Variants in HIVEP3 observed in about 807,000 individuals in gnomAD.
HIVEP3 encodes the protein HIVEP zinc finger 3.
In HIVEP3, 49 loss-of-function variants were observed where a neutral mutation model predicts 152.8. The observed-to-expected ratio is 0.32, with a 90% CI of 0.26 to 0.41. The LOEUF (loss-of-function observed/expected upper bound fraction) is 0.41, where lower values mean the gene tolerates loss of function less well. HIVEP3 is among the 10% of genes least tolerant of loss of function. The pLI is 1.00. For synonymous variants in HIVEP3, 1,269 were observed against 1,289.0 expected (o/e 0.98, Z 0.33); for missense variants, 2,790 against 3,103.3 (o/e 0.90, Z 2.40).
At chr1:41,770,313 G>A (rs936772003) in intron 1 of HIVEP3, among the ~76,000 whole-genome samples, 1 of 152,110 alleles carries the variant, frequency 6.6e-6, no homozygotes, top group Admixed American at 6.5e-5. Context: ...TAGCCTCAAC[G>A]TATCTCCCCC....
At chr1:41,555,906 C>T (rs1643958783) in intron 5 of HIVEP3, among the ~76,000 whole-genome samples, 1 of 152,188 alleles carries the variant, frequency 6.6e-6, no homozygotes, top group Non-Finnish European at 1.5e-5. Context: ...TCGTGACTGG[C>T]TTAGTTCACG....
chr1:41,583,704 G>A lies in HIVEP3; in HGVS notation c.1094C>T (p.Ala365Val). 6.2e-7 allele frequency: 1 copy of A among 1,612,088 alleles called. No individual in the cohort carries two copies. Among genetic ancestry groups the A allele is most frequent in the Non-Finnish European group, 8.5e-7 (1 of 1,178,898 alleles). Residue 365 changes from alanine (A) to valine (V), a missense_variant, in exon 4 of 9, where the codon GCC (alanine) becomes GTC (valine). Around this residue, in one of 9 missense-constraint regions of HIVEP3, gnomAD observed 134 missense variants for 242.5 expected, o/e 0.55. Coordinates refer to ENST00000372583, the MANE Select transcript of HIVEP3 (RefSeq NM_024503.5). The surrounding 1 kb of genome is among the most constrained non-coding windows in gnomAD (Gnocchi z 6.9). ...CTTCTTCCTCTCGCTTAAGCGGAGGGCCAGCTTCTGCTTAATCGTGTGGGT... is the reference window on the plus strand; with the variant it reads ...CTTCTTCCTCTCGCTTAAGCGGAGGACCAGCTTCTGCTTAATCGTGTGGGT... ...EDTHTIKQKL[A>V]LRLSERKKVI... is the part of the protein sequence containing the mutation.
chr1:41,604,246 A>G (rs1356300156), intron 3 of HIVEP3, among the ~76,000 whole-genome samples: 1 of 152,270 alleles, frequency 6.6e-6, no homozygotes, highest in Non-Finnish European at 1.5e-5. Context: ...AGATCTATTC[A>G]TGATAGCCAA....
chr1:41,642,843 G>A (rs550493226), intron 2 of HIVEP3, among the ~76,000 whole-genome samples: 151 of 152,264 alleles, frequency 9.9e-4, no homozygotes, highest in South Asian at 5.8e-3. Flanking sequence ...CCGGCAGACT[G>A]GGGTGTCAGC....
chr1:41,952,962 C>T (rs1245608900), intron 1 of HIVEP3, among the ~76,000 whole-genome samples: 1 of 152,172 alleles, frequency 6.6e-6, no homozygotes, highest in Non-Finnish European at 1.5e-5. Flanking sequence ...ACTCAAAGCC[C>T]TTTGCAGTCT....
intron 3 of HIVEP3, among the ~76,000 whole-genome samples, chr1:41,595,993 A>G (rs191537837): frequency 6.6e-6 from 1 of 152,164 alleles, no homozygotes; most frequent in African/African-American, 2.4e-5. Flanking sequence ...CCTCTAGAGA[A>G]CCCTGACTAA....
At chr1:41,912,652 T>C (rs1472081446) in intron 1 of HIVEP3, among the ~76,000 whole-genome samples, 2 of 152,224 alleles carry the variant, frequency 1.3e-5, no homozygotes, top group Admixed American at 1.3e-4. Flanking sequence ...TCTCAAACTT[T>C]GAAATCTTCA....
chr1:41,748,790 C>A (rs72957387), intron 1 of HIVEP3, among the ~76,000 whole-genome samples: 6,806 of 152,278 alleles, frequency 0.045, 526 homozygotes, highest in African/African-American at 0.16. Context: ...AGACCCCCTG[C>A]CGCCCACCAG....
At chr1:41,868,920 T>C (rs1193253832) in intron 1 of HIVEP3, among the ~76,000 whole-genome samples, 1 of 152,202 alleles carries the variant, frequency 6.6e-6, no homozygotes, top group Non-Finnish European at 1.5e-5. Flanking sequence ...CATTAATTGC[T>C]CAATAAATAG....
intron 1 of HIVEP3, among the ~76,000 whole-genome samples, chr1:41,908,575 T>C (rs940805228): frequency 1.2e-4 from 19 of 152,238 alleles, no homozygotes; most frequent in Non-Finnish European, 2.4e-4. Context: ...TAGTCTTTCA[T>C]GGTTTCAAGT....
At chr1:41,937,799 T>C (rs1462010407) in intron 1 of HIVEP3, among the ~76,000 whole-genome samples, 1 of 152,242 alleles carries the variant, frequency 6.6e-6, no homozygotes, top group East Asian at 1.9e-4. Flanking sequence ...TTGGACATTC[T>C]AGCACTTGCA....
chr1:41,606,191 G>T (rs1029069246), intron 3 of HIVEP3, among the ~76,000 whole-genome samples: 13 of 151,844 alleles, frequency 8.6e-5, no homozygotes, highest in Middle Eastern at 3.4e-3. Context: ...ACAATTTTTG[G>T]TGGTTACCAA....
chr1:41,998,733 A>G (rs1453014308), intron 1 of HIVEP3, among the ~76,000 whole-genome samples: 1 of 152,124 alleles, frequency 6.6e-6, no homozygotes, highest in African/African-American at 2.4e-5. Flanking sequence ...TAATTAATAA[A>G]TGGTTTGCTT....
At chr1:41,752,854 C>T (rs1190775411) in intron 1 of HIVEP3, among the ~76,000 whole-genome samples, 1 of 152,202 alleles carries the variant, frequency 6.6e-6, no homozygotes, top group East Asian at 1.9e-4. Context: ...AATAATCTGG[C>T]GTCCCTTCTC....
chr1:42,002,546 G>A (rs1445412762), intron 1 of HIVEP3, among the ~76,000 whole-genome samples: 1 of 152,190 alleles, frequency 6.6e-6, no homozygotes, highest in Non-Finnish European at 1.5e-5. Flanking sequence ...GGTTCCCCAT[G>A]AACACTTTGT....
intron 1 of HIVEP3, among the ~76,000 whole-genome samples, chr1:41,962,221 A>G (rs1174699038): frequency 2.0e-5 from 3 of 152,254 alleles, no homozygotes; most frequent in Non-Finnish European, 2.9e-5. Flanking sequence ...GCTCAGGACC[A>G]AAGTGGGAAA....
intron 5 of HIVEP3, among the ~76,000 whole-genome samples, chr1:41,528,986 A>C (rs1558032356): frequency 1.0e-5 from 1 of 97,276 alleles, no homozygotes; most frequent in Admixed American, 1.2e-4. Context: ...ACTCACCTTC[A>C]CACTTCACAT....
At chr1:41,689,122 T>C (rs1646157024) in intron 2 of HIVEP3, among the ~76,000 whole-genome samples, 1 of 152,272 alleles carries the variant, frequency 6.6e-6, no homozygotes, top group South Asian at 2.1e-4. Context: ...GTCTTATTTA[T>C]CTTTGTTTCC....
At chr1:41,521,715 G>T (rs554686144) in intron 6 of HIVEP3, among the ~76,000 whole-genome samples, 1 of 152,374 alleles carries the variant, frequency 6.6e-6, no homozygotes, top group Admixed American at 6.5e-5. Flanking sequence ...AGTGATGGGT[G>T]TCGGGAAGAG....
Sources: gnomAD v4.1 joint callset for allele counts (sites outside exome capture counted in the v4.1 genomes callset) on GRCh38, gnomAD v4.1.1 for gene constraint, gnomAD v4.1.1 regional missense constraint, Gnocchi (gnomAD v3.1) non-coding constraint, MANE v1.5 for transcripts, NCBI Gene and HGNC (gene_info 2026-07-23, HGNC 2026-07-21) for gene names.